The following RANBP2 variants were observed in gnomAD, a reference collection of about 807,000 sequenced individuals.
RANBP2 encodes the protein E3 SUMO-protein ligase RanBP2.
A neutral mutation model predicts 303.6 loss-of-function variants in RANBP2; 57 were observed. That is an observed-to-expected ratio of 0.19 (90% CI 0.15 to 0.23). RANBP2 has a LOEUF of 0.23. Ranked by LOEUF, RANBP2 falls within the 10% of genes least tolerant of loss-of-function variation. RANBP2 has a pLI of 1.00. For missense variants in RANBP2, 3,138 were observed against 3,780.8 expected, an observed-to-expected ratio of 0.83 and a Z score of 4.46; for synonymous variants, 1,167 against 1,301.5, an observed-to-expected ratio of 0.90 and a Z score of 2.23.
chr2:109,105,658 G>T, the RANBP2 span, among the ~76,000 whole-genome samples: 1 of 148,052 alleles, frequency 6.8e-6, no homozygotes, highest in Admixed American at 6.7e-5. Flanking sequence ...AGGTTCAAGC[G>T]ATTCTCCTGC....
chr2:109,722,456 C>T, the RANBP2 span, among the ~76,000 whole-genome samples: 1 of 152,194 alleles, frequency 6.6e-6, no homozygotes, highest in East Asian at 1.9e-4. Context: ...ATAGCACATT[C>T]CCCATTGGTC....
chr2:109,125,099 C>T, the RANBP2 span, among the ~76,000 whole-genome samples: 1 of 152,192 alleles, frequency 6.6e-6, no homozygotes, highest in African/African-American at 2.4e-5. Context: ...GCAGTCAAGT[C>T]TGGGGTTGGC....
chr2:109,369,123 T>C, the RANBP2 span, among the ~76,000 whole-genome samples: 1 of 151,264 alleles, frequency 6.6e-6, no homozygotes, highest in East Asian at 1.9e-4. Context: ...GGTGGGCAGA[T>C]CACGAGGTCA....
chr2:109,490,641 G>A, the RANBP2 span: 15 of 1,492,632 alleles, frequency 1.0e-5, no homozygotes, highest in South Asian at 1.2e-5. Flanking sequence ...GCTTCTAGCC[G>A]GAGCATCCAC....
the RANBP2 span, among the ~76,000 whole-genome samples, chr2:109,690,602 G>C: frequency 2.0e-5 from 3 of 152,118 alleles, no homozygotes; most frequent in African/African-American, 7.2e-5. Flanking sequence ...GTGTGACAAA[G>C]GAAGCCACCC....
At chr2:109,192,049 A>C in the RANBP2 span, among the ~76,000 whole-genome samples, 1 of 152,130 alleles carries the variant, frequency 6.6e-6, no homozygotes, top group African/African-American at 2.4e-5. Flanking sequence ...AAAAGCATTG[A>C]ATTTGTCTAC....
chr2:108,975,074 C>T, the RANBP2 span, among the ~76,000 whole-genome samples: 1 of 152,194 alleles, frequency 6.6e-6, no homozygotes, highest in African/African-American at 2.4e-5. Flanking sequence ...TGCTTTTCCA[C>T]GGAGCCTAGC....
chr2:109,243,072 A>G, the RANBP2 span, among the ~76,000 whole-genome samples: 4 of 152,220 alleles, frequency 2.6e-5, no homozygotes, highest in Non-Finnish European at 4.4e-5. Context: ...TCGGCTGTTC[A>G]TATTCCTGTA....
the RANBP2 span, among the ~76,000 whole-genome samples, chr2:109,496,337 T>A: frequency 6.6e-6 from 1 of 152,288 alleles, no homozygotes; most frequent in East Asian, 1.9e-4. Flanking sequence ...TACAATCCTC[T>A]TGCTAGCTAC....
the RANBP2 span, among the ~76,000 whole-genome samples, chr2:109,482,834 A>G: frequency 3.3e-5 from 5 of 152,228 alleles, no homozygotes; most frequent in Admixed American, 6.5e-5. Context: ...AAAACAAGCT[A>G]GAGAAGCACA....
At chr2:109,138,485 C>T in the RANBP2 span, among the ~76,000 whole-genome samples, 1 of 152,238 alleles carries the variant, frequency 6.6e-6, no homozygotes, top group Non-Finnish European at 1.5e-5. Flanking sequence ...TAGCTTGGTG[C>T]TGCATTTGCT....
downstream of RANBP2, among the ~76,000 whole-genome samples, chr2:108,788,375 G>T (rs902155000): frequency 6.7e-6 from 1 of 150,270 alleles, no homozygotes; most frequent in Non-Finnish European, 1.5e-5. Context: ...AGCCGAGATG[G>T]CGCCACTACA....
At chr2:109,509,467 A>T in the RANBP2 span, among the ~76,000 whole-genome samples, 1 of 152,028 alleles carries the variant, frequency 6.6e-6, no homozygotes, top group Non-Finnish European at 1.5e-5. Flanking sequence ...CGGCTTGCAC[A>T]CCGCCGTCTC....
At chr2:109,702,252 GA>G in the RANBP2 span, among the ~76,000 whole-genome samples, 1,682 of 152,330 alleles carry the variant, frequency 0.011, 19 homozygotes, top group Non-Finnish European at 0.017. Flanking sequence ...AAGCCCTCTA[GA>G]GAGAACAAAC....
the RANBP2 span, among the ~76,000 whole-genome samples, chr2:109,657,099 A>G: frequency 1.3e-5 from 2 of 152,212 alleles, no homozygotes; most frequent in African/African-American, 2.4e-5. Context: ...CCCTAATTTC[A>G]TGAATGGCCC....
chr2:109,172,252 A>G, the RANBP2 span, among the ~76,000 whole-genome samples: 1 of 152,198 alleles, frequency 6.6e-6, no homozygotes, highest in Non-Finnish European at 1.5e-5. Context: ...ATCAGCCGCC[A>G]CAGGGATCTG....
the RANBP2 span, among the ~76,000 whole-genome samples, chr2:109,078,123 GTATA>G: frequency 8.8e-5 from 4 of 45,436 alleles, no homozygotes; most frequent in East Asian, 3.7e-3. Flanking sequence ...TATATAGCGT[GTATA>G]TATATATAGC....
chr2:109,331,742 A>G, the RANBP2 span, among the ~76,000 whole-genome samples: 8 of 152,218 alleles, frequency 5.3e-5, no homozygotes, highest in African/African-American at 1.9e-4. Flanking sequence ...TGTCTGGCAC[A>G]TATTAGGTGG....
the RANBP2 span, among the ~76,000 whole-genome samples, chr2:109,064,196 G>A: frequency 8.6e-4 from 131 of 152,096 alleles, no homozygotes; most frequent in African/African-American, 2.8e-3. Flanking sequence ...CAGGCCGGGC[G>A]GGGTGGCTCA....
Sources: allele counts gnomAD v4.1 joint callset (sites outside exome capture counted in the v4.1 genomes callset), GRCh38; gene constraint gnomAD v4.1.1; transcripts MANE v1.5; gene names NCBI Gene and HGNC (gene_info 2026-07-23, HGNC 2026-07-21).